The following CIDEA variants were observed in gnomAD, a reference collection of about 807,000 sequenced individuals.
CIDEA encodes cell death inducing DFFA like effector a, also known as lipid transferase CIDEA.
CIDEA carries 10 observed loss-of-function variants against 18.2 expected under a neutral mutation model. The ratio of observed to expected loss-of-function variants is 0.55; its 90% CI spans 0.34 to 0.93. The LOEUF is 0.93. Ranked by LOEUF, CIDEA falls within the 40% of genes least tolerant of loss-of-function variation. CIDEA has a pLI of 0.02. For synonymous variants in CIDEA, 128 were observed against 124.8 expected, an observed-to-expected ratio of 1.03 and a Z score of -0.17; for missense variants, 309 against 293.1, an observed-to-expected ratio of 1.05 and a Z score of -0.40.
At chr18:12,263,512 C>T (rs957509521) in intron 2 of CIDEA, 1 of 152,406 alleles carries the variant, frequency 6.6e-6, no homozygotes, top group African/African-American at 2.4e-5. Flanking sequence ...GGGAACATTA[C>T]ATCTCTGTAC....
At chr18:12,264,487 G>A in intron 3 of CIDEA, 34 bp downstream of exon 3, 1 of 1,581,686 alleles carries the variant, frequency 6.3e-7, no homozygotes, top group Admixed American at 1.8e-5. Flanking sequence ...AACAGCTACT[G>A]GGTAGACTTT....
chr18:12,258,343 G>A (rs1361441762), intron 1 of CIDEA, among the ~76,000 whole-genome samples: 1 of 152,250 alleles, frequency 6.6e-6, no homozygotes, highest in Non-Finnish European at 1.5e-5. Flanking sequence ...GAGCATGTTC[G>A]TCCAATGAGG....
intron 2 of CIDEA, chr18:12,263,522 C>T (rs1912257220): frequency 6.6e-6 from 1 of 152,320 alleles, no homozygotes; most frequent in Non-Finnish European, 1.5e-5. Context: ...CATCTCTGTA[C>T]CATAAAACAT....
chr18:12,258,579 C>T (rs977105842), intron 1 of CIDEA, among the ~76,000 whole-genome samples: 6 of 152,124 alleles, frequency 3.9e-5, no homozygotes, highest in African/African-American at 9.7e-5. Flanking sequence ...GCCTTGGGGG[C>T]GAAGAGGGGC....
At chr18:12,272,433 A>G (rs1262498355) in intron 3 of CIDEA, among the ~76,000 whole-genome samples, 1 of 151,852 alleles carries the variant, frequency 6.6e-6, no homozygotes, top group African/African-American at 2.4e-5. Context: ...GGCTGATCTC[A>G]AACTCCTGAC....
Position 12,277,394 on chromosome 18 carries a change from G to T in CIDEA, c.*124G>T. ...TGGAGGCCGCTGGTCACGCTGCTCAGGAGTGGTGCCCAGAAAAGGAAAGGG... is the reference window on the plus strand; with the variant it reads ...TGGAGGCCGCTGGTCACGCTGCTCATGAGTGGTGCCCAGAAAAGGAAAGGG... On this transcript the variant is annotated 3_prime_UTR_variant, in exon 5 of 5. Transcript: ENST00000320477. 3.7e-6 allele frequency: 4 copies of T among 1,093,168 alleles called. No homozygotes were observed. The highest frequency in any genetic ancestry group is 5.2e-6 in the Non-Finnish European group (4 of 764,782). The allele number at this position is 1,093,168 out of a possible 1,614,324, so 67.7% of individuals were successfully genotyped here.
At chr18:12,275,875 TTTACAC>T (rs1277559972) in intron 4 of CIDEA, among the ~76,000 whole-genome samples, 1 of 152,134 alleles carries the variant, frequency 6.6e-6, no homozygotes, top group East Asian at 1.9e-4. Flanking sequence ...AGAAAATAGC[TTTACAC>T]TTGGATTTTA....
At chr18:12,272,169 GGGGTTGT>G (rs1284080302) in intron 3 of CIDEA, among the ~76,000 whole-genome samples, 192 of 11,134 alleles carry the variant, frequency 0.017, 19 homozygotes, top group Non-Finnish European at 0.088. Context: ...GGGTTGGGGG[GGGGTTGT>G]TGTTGTTGTT....
intron 1 of CIDEA, among the ~76,000 whole-genome samples, chr18:12,259,252 C>T (rs72867673): frequency 1.3e-5 from 2 of 152,220 alleles, no homozygotes; most frequent in Non-Finnish European, 2.9e-5. Context: ...GCAACTTTGT[C>T]TACCCAGAAG....
chr18:12,254,948 G>T (rs1315577785), intron 1 of CIDEA: 1 of 1,222,698 alleles, frequency 8.2e-7, no homozygotes, highest in Non-Finnish European at 1.1e-6. Flanking sequence ...GTCCGGCGGA[G>T]CCCTCCAGGT....
intron 3 of CIDEA, among the ~76,000 whole-genome samples, chr18:12,273,095 T>C (rs919664334): frequency 1.1e-4 from 16 of 152,250 alleles, no homozygotes; most frequent in Admixed American, 4.6e-4. Context: ...ATGATCCGAA[T>C]TAGAGGCTAC....
chr18:12,262,678 C>A, intron 1 of CIDEA, 147 bp from the exon 2 acceptor site: 1 of 700,618 alleles, frequency 1.4e-6, no homozygotes, highest in Non-Finnish European at 2.4e-6. Context: ...ATTATGTGTA[C>A]ACTTGTATAT....
chr18:12,262,786 C>T (rs761476616), intron 1 of CIDEA, 39 bp from the exon 2 acceptor site: 2 of 1,584,706 alleles, frequency 1.3e-6, no homozygotes, highest in South Asian at 1.1e-5. Flanking sequence ...TTCTGACAGA[C>T]TCTTTTTAAA....
At chr18:12,274,378 A>T (rs1912647859) in intron 4 of CIDEA, 104 bp downstream of exon 4, 1 of 1,041,790 alleles carries the variant, frequency 9.6e-7, no homozygotes, top group East Asian at 2.4e-5. Context: ...GCCGGCTAGC[A>T]CTGTTAGGGG....
chr18:12,262,993 C>T (rs1003573931), intron 2 of CIDEA, 24 bp downstream of exon 2: 1 of 1,612,404 alleles, frequency 6.2e-7, no homozygotes, highest in East Asian at 2.2e-5. Context: ...CGCACCTCTC[C>T]CCCAGTCCAC....
intron 1 of CIDEA, among the ~76,000 whole-genome samples, chr18:12,262,572 C>G (rs1912222629): frequency 6.6e-6 from 1 of 152,186 alleles, no homozygotes; most frequent in Admixed American, 6.5e-5. Context: ...CATTCCTTCT[C>G]AAAGAGTTTC....
At chr18:12,259,677 T>C (rs1912135239) in intron 1 of CIDEA, among the ~76,000 whole-genome samples, 1 of 152,094 alleles carries the variant, frequency 6.6e-6, no homozygotes, top group African/African-American at 2.4e-5. Context: ...CTGAACAACA[T>C]GGTGAAAACC....
At chr18:12,275,550 C>T (rs1905301804) in intron 4 of CIDEA, among the ~76,000 whole-genome samples, 1 of 152,200 alleles carries the variant, frequency 6.6e-6, no homozygotes, top group South Asian at 2.1e-4. Context: ...TTTGCAGCTG[C>T]TGCCATTCCA....
At chr18:12,269,168 C>T (rs1160358851) in intron 3 of CIDEA, among the ~76,000 whole-genome samples, 1 of 152,092 alleles carries the variant, frequency 6.6e-6, no homozygotes, top group Admixed American at 6.5e-5. Context: ...TTTTCCAAAA[C>T]AAAAAGATGG....
Sources: allele counts gnomAD v4.1 joint callset (sites outside exome capture counted in the v4.1 genomes callset), GRCh38; gene constraint gnomAD v4.1.1; transcripts MANE v1.5; gene names NCBI Gene and HGNC (gene_info 2026-07-23, HGNC 2026-07-21).